TAF1L: variants seen among roughly 807,000 people sequenced by gnomAD.
TAF1L encodes the protein transcription initiation factor TFIID subunit 1-like.
A neutral mutation model predicts 128.8 loss-of-function variants in TAF1L; 30 were observed. That is an observed-to-expected ratio of 0.23 (90% CI 0.17 to 0.32). TAF1L has a LOEUF of 0.32. Ranked by LOEUF, TAF1L falls within the 10% of genes least tolerant of loss-of-function variation. The pLI, the probability that TAF1L is intolerant of heterozygous loss-of-function variation, is 1.00. For missense variants in TAF1L, 2,099 were observed against 2,253.7 expected (o/e 0.93, Z 1.39); for synonymous variants, 764 against 790.7 (o/e 0.97, Z 0.57).
chr9:32,632,285 T>C lies in TAF1L; in HGVS notation c.3295A>G (p.Thr1099Ala). Residue 1099 changes from threonine to alanine, a missense_variant, in exon 1 of 1, where the codon ACT (threonine) becomes GCT (alanine). By Grantham distance (58) the Thr-to-Ala change is moderately conservative (BLOSUM62 0). Coordinates refer to ENST00000242310, the MANE Select transcript of TAF1L (RefSeq NM_153809.2). This position sits in a 1 kb window ranked among gnomAD's most constrained non-coding sequence, Gnocchi z 4.4. Reference protein sequence around the residue: ...FDLQNKVLSSTEVLSTDTDSI... With the variant: ...FDLQNKVLSSAEVLSTDTDSI... ...TCTGTGTCAGTTGATAAGACCTCAG[T>C]TGATGACAGAACCTTGTTCTGTAGG... 2 of 1,614,186 alleles carry C rather than the reference T, an allele frequency of 1.2e-6. No individual in the cohort carries two copies. Among genetic ancestry groups the C allele is most frequent in the Non-Finnish European group, 1.7e-6 (2 of 1,180,040 alleles).
In TAF1L at chr9:32,635,237, C is replaced by T. The variant is rs752823640; in HGVS notation, c.343G>A (p.Val115Met). Residue 115 changes from valine (V) to methionine (M), a missense_variant, in exon 1 of 1, where the codon GTG becomes ATG. By Grantham distance (21) the Val-to-Met change is conservative. Transcript: ENST00000242310. ...TGTCTTTGGCTTTCATCTTCTGCCA[C>T]CTCATTGATGTCTGAATAGTCTACA... ...DAVDYSDINEVAEDESQRHQQ... is the reference protein window; with the variant it reads ...DAVDYSDINEMAEDESQRHQQ... The T allele has an allele frequency of 2.5e-6, 4 of 1,614,034 alleles. No individual in the cohort carries two copies. In the South Asian group the frequency reaches 4.4e-5, roughly 18 times the overall value.
At position 32,631,612 on chromosome 9, in the gene TAF1L, T is replaced by G. The variant is rs768981178; in HGVS notation, c.3968A>C (p.Glu1323Ala). Reference sequence around the variant, plus strand: ...ATTATCATTATGAATGACTGTCTTTTCCAACTCCTCCTCCTGCTCTTCTGT... The same window carrying G: ...ATTATCATTATGAATGACTGTCTTTGCCAACTCCTCCTCCTGCTCTTCTGT... ...AMTEEQEEEL[E>A]KTVIHNDNEE... Residue 1323 changes from glutamate (E) to alanine (A), a missense_variant, in exon 1 of 1, where the codon GAA becomes GCA. By Grantham distance (107) the Glu-to-Ala change is moderately radical. Transcript: ENST00000242310. The surrounding 1 kb of genome is among the most constrained non-coding windows in gnomAD (Gnocchi z 4.1). The G allele has an allele frequency of 2.5e-6, 4 of 1,614,176 alleles. No individual in the cohort carries two copies. In the Admixed American group the frequency reaches 6.7e-5, roughly 27 times the overall value.
Position 32,633,072 on chromosome 9 carries a change from C to T in TAF1L, c.2508G>A (p.Lys836=). 6.2e-7 allele frequency: 1 copy of T among 1,614,184 alleles called. No individual in the cohort carries two copies. The highest frequency in any genetic ancestry group is 8.5e-7 in the Non-Finnish European group (1 of 1,180,044). ...GTATCCTCCGTGGCCGATCTTTACT[C>T]TTCCAGAAAAGGCGGTAAATAAAAA... ...LQVFIYRLFW[K]SKDRPRRIRM... is the part of the protein sequence containing the mutation. Residue 836 remains lysine, a synonymous_variant, in exon 1 of 1, where the codon AAG becomes AAA. Coordinates refer to ENST00000242310, the MANE Select transcript of TAF1L (RefSeq NM_153809.2).
At position 32,634,637 on chromosome 9, in the gene TAF1L, A is replaced by G. The variant is rs776379584; in HGVS notation, c.943T>C (p.Tyr315His). 106 of 1,613,936 alleles carry G rather than the reference A, an allele frequency of 6.6e-5. No individual in the cohort carries two copies. Among genetic ancestry groups the G allele is most frequent in the South Asian group, 3.3e-4 (30 of 91,072 alleles). ...VSQKSLWNYD[Y>H]APPPPPEQCL... Reference sequence around the variant, plus strand: ...TGCTCTGGGGGTGGTGGTGGAGCATAGTCATAGTTCCACAAAGACTTCTGG... The same window carrying G: ...TGCTCTGGGGGTGGTGGTGGAGCATGGTCATAGTTCCACAAAGACTTCTGG... The change falls in exon 1 of 1, where the codon TAT becomes CAT. Residue 315 changes from tyrosine (Y) to histidine (H), a missense_variant. Tyr to His is a moderately conservative substitution (Grantham distance 83, BLOSUM62 2). This residue lies in a region of TAF1L where 473 missense variants were observed against 429.6 expected (regional missense o/e 1.10). Coordinates refer to ENST00000242310, the MANE Select transcript of TAF1L (RefSeq NM_153809.2).
Position 32,632,587 on chromosome 9 carries a change from T to A in TAF1L, c.2993A>T (p.Lys998Ile), listed in dbSNP as rs963298959. ...PNKPTQQKDDKEPQAVKKTVT... is the reference protein window; with the variant it reads ...PNKPTQQKDDIEPQAVKKTVT... Reference sequence around the variant, plus strand: ...TGTCTTCTTCACTGCCTGTGGCTCTTTATCATCCTTCTGCTGTGTTGGTTT... The same window carrying A: ...TGTCTTCTTCACTGCCTGTGGCTCTATATCATCCTTCTGCTGTGTTGGTTT... The change falls in exon 1 of 1, where the codon AAA (lysine) becomes ATA (isoleucine). Residue 998 changes from lysine to isoleucine, a missense_variant. By Grantham distance (102) the Lys-to-Ile change is moderately radical. This residue lies in a region of TAF1L where 1,213 missense variants were observed against 1,391.4 expected (regional missense o/e 0.87). Coordinates refer to ENST00000242310, the MANE Select transcript of TAF1L (RefSeq NM_153809.2). This position sits in a 1 kb window ranked among gnomAD's most constrained non-coding sequence, Gnocchi z 4.4. The A allele has an allele frequency of 1.9e-6, 3 of 1,614,122 alleles. No individual in the cohort carries two copies. Among genetic ancestry groups the A allele is most frequent in the Admixed American group, 1.7e-5 (1 of 59,998 alleles).
Position 32,635,373 on chromosome 9 carries a change from C to G in TAF1L, c.207G>C (p.Gly69=), listed in dbSNP as rs943548151. The change falls in exon 1 of 1, where the codon GGG becomes GGC. Residue 69 remains glycine (G), a synonymous_variant. Coordinates refer to ENST00000242310, the MANE Select transcript of TAF1L (RefSeq NM_153809.2). ...DECKKHLAGL[G]ALGLGSLITE... ...TGATTAGGCTGCCCAGCCCCAAAGC[C>G]CCCAAGCCTGCCAAGTGCTTCTTAC... 4 of 1,614,154 alleles carry G rather than the reference C, an allele frequency of 2.5e-6. No individual in the cohort carries two copies. Among genetic ancestry groups the G allele is most frequent in the Non-Finnish European group, 3.4e-6 (4 of 1,180,020 alleles).
chr9:32,633,226 C>T lies in TAF1L; in HGVS notation c.2354G>A (p.Arg785Gln), dbSNP rs1251848812. ...KMPETDFLII[R>Q]TRQGYYIREL... ...CCGAATATAGTAACCCTGTCTTGTC[C>T]GAATGATCAGAAAATCAGTTTCTGG... is the stretch of plus-strand genomic sequence containing the variant. Residue 785 changes from arginine (R) to glutamine (Q), a missense_variant, in exon 1 of 1, where the codon CGG (arginine) becomes CAG (glutamine). Transcript: ENST00000242310. 1.9e-6 allele frequency: 3 copies of T among 1,613,948 alleles called. No individual in the cohort carries two copies. The highest frequency in any genetic ancestry group is 1.3e-5 in the African/African-American group (1 of 74,872).
rs778201054 is a variant in TAF1L, at chr9:32,632,501, G to A, written c.3079C>T (p.Arg1027Cys). The part of the protein sequence containing the change: ...LSLKNAKQLL[R>C]KFGVPEEEIK... ...TCTTCCTCAGGCACACCAAATTTACGTAGAAGTTGCTTGGCATTTTTCAGG... is the reference window on the plus strand; with the variant it reads ...TCTTCCTCAGGCACACCAAATTTACATAGAAGTTGCTTGGCATTTTTCAGG... The change falls in exon 1 of 1, where the codon CGT (arginine) becomes TGT (cysteine). Residue 1027 changes from arginine to cysteine, a missense_variant. Physicochemically the swap from Arg to Cys is radical, Grantham distance 180. This residue lies in a region of TAF1L where 1,213 missense variants were observed against 1,391.4 expected (regional missense o/e 0.87). Coordinates refer to ENST00000242310, the MANE Select transcript of TAF1L (RefSeq NM_153809.2). The surrounding 1 kb of genome is among the most constrained non-coding windows in gnomAD (Gnocchi z 4.4). 52 of 1,614,206 alleles carry A rather than the reference G, an allele frequency of 3.2e-5. No individual in the cohort carries two copies. Among genetic ancestry groups the A allele is most frequent in the Middle Eastern group, 3.3e-4 (2 of 6,062 alleles).
Position 32,635,420 on chromosome 9 carries a change from C to T in TAF1L, c.160G>A (p.Glu54Lys), listed in dbSNP as rs267602213. Reference protein sequence around the residue: ...NISGAGQLEGESVLDDECKKH... With the variant: ...NISGAGQLEGKSVLDDECKKH... ...TTACACTCATCATCCAAGACGCTTT[C>T]CCCCTCCAGCTGCCCCGCTCCACTG... The change falls in exon 1 of 1, where the codon GAA becomes AAA. Residue 54 changes from glutamate to lysine, a missense_variant. By Grantham distance (56) the Glu-to-Lys change is moderately conservative. This residue lies in a region of TAF1L where 473 missense variants were observed against 429.6 expected (regional missense o/e 1.10). Transcript: ENST00000242310. The T allele has an allele frequency of 5.6e-6, 9 of 1,614,132 alleles. No homozygotes were observed. Among genetic ancestry groups the T allele is most frequent in the Admixed American group, 3.3e-5 (2 of 60,012 alleles).
Position 32,635,448 on chromosome 9 carries a change from G to A in TAF1L, c.132C>T (p.Asn44=), listed in dbSNP as rs1021691013. 1.2e-6 allele frequency: 2 copies of A among 1,614,068 alleles called. No individual in the cohort carries two copies. The highest frequency in any genetic ancestry group is 2.7e-5 in the African/African-American group (2 of 74,916). Residue 44 remains asparagine (N), a synonymous_variant, in exon 1 of 1, where the codon AAC becomes AAT. Coordinates refer to ENST00000242310, the MANE Select transcript of TAF1L (RefSeq NM_153809.2). Reference sequence around the variant, plus strand: ...CCTCCAGCTGCCCCGCTCCACTGATGTTGCCGAAAAGGATACCCGCTAAAG... The same window carrying A: ...CCTCCAGCTGCCCCGCTCCACTGATATTGCCGAAAAGGATACCCGCTAAAG... ...PFTLAGILFG[N]ISGAGQLEGE...
Position 32,633,270 on chromosome 9 carries a change from T to G in TAF1L, c.2310A>C (p.Pro770=). 1.2e-6 allele frequency: 2 copies of G among 1,614,140 alleles called. No individual in the cohort carries two copies. Among genetic ancestry groups the G allele is most frequent in the Non-Finnish European group, 1.7e-6 (2 of 1,180,026 alleles). The part of the protein sequence containing the change: ...QALENNLFRA[P]VYLHKMPETD... ...TTTCTGGCATCTTATGAAGATACAC[T>G]GGAGCACGAAAAAGGTTGTTCTCAA... Residue 770 remains proline (P), a synonymous_variant, in exon 1 of 1, where the codon CCA becomes CCC. Transcript: ENST00000242310.
At position 32,630,434 on chromosome 9, in the gene TAF1L, A is replaced by T. The variant is rs1822501302; in HGVS notation, c.5146T>A (p.Ser1716Thr). 6.2e-7 allele frequency: 1 copy of T among 1,614,102 alleles called. No individual in the cohort carries two copies. Residue 1716 changes from serine (S) to threonine (T), a missense_variant, in exon 1 of 1, where the codon TCT (serine) becomes ACT (threonine). Coordinates refer to ENST00000242310, the MANE Select transcript of TAF1L (RefSeq NM_153809.2). ...QGQGRLGEED[S>T]DVDVEGYDDE... Reference sequence around the variant, plus strand: ...TCATACCCTTCAACATCCACATCAGAGTCTTCCTCACCCAGCCTACCTTGG... The same window carrying T: ...TCATACCCTTCAACATCCACATCAGTGTCTTCCTCACCCAGCCTACCTTGG...
rs751954112 is a variant in TAF1L at position 32,633,957 on chromosome 9, A to C, written c.1623T>G (p.Ser541=). The C allele has an allele frequency of 2.5e-6, 4 of 1,614,182 alleles. No individual in the cohort carries two copies. The highest frequency in any genetic ancestry group is 3.4e-6 in the Non-Finnish European group (4 of 1,180,026). Residue 541 remains serine, a synonymous_variant, in exon 1 of 1, where the codon TCT becomes TCG. Coordinates refer to ENST00000242310, the MANE Select transcript of TAF1L (RefSeq NM_153809.2). ...EIPDEKEEAT[S]NSPSKESKKE... ...TCTTACTCTCCTTGGAGGGGGAGTT[A>C]GAGGTGGCCTCTTCCTTCTCATCAG... is the stretch of plus-strand genomic sequence containing the variant.
In TAF1L at chr9:32,632,515, G is replaced by A; in HGVS notation, c.3065C>T (p.Ala1022Val). The A allele has an allele frequency of 1.2e-6, 2 of 1,614,198 alleles. No homozygotes were observed. The highest frequency in any genetic ancestry group is 1.7e-6 in the Non-Finnish European group (2 of 1,180,034). The change falls in exon 1 of 1, where the codon GCC becomes GTC. Residue 1022 changes from alanine to valine, a missense_variant. Physicochemically the swap from Ala to Val is moderately conservative, Grantham distance 64. Coordinates refer to ENST00000242310, the MANE Select transcript of TAF1L (RefSeq NM_153809.2). This position sits in a 1 kb window ranked among gnomAD's most constrained non-coding sequence, Gnocchi z 4.4. ...ADLRRLSLKN[A>V]KQLLRKFGVP... The stretch of plus-strand genomic sequence containing the variant: ...ACCAAATTTACGTAGAAGTTGCTTG[G>A]CATTTTTCAGGGAAAGGCGACGAAG...
Position 32,634,604 on chromosome 9 carries a change from C to T in TAF1L, c.976G>A (p.Ala326Thr), listed in dbSNP as rs756820373. 4.3e-6 allele frequency: 7 copies of T among 1,614,162 alleles called. No homozygotes were observed. The highest frequency in any genetic ancestry group is 4.5e-5 in the East Asian group (2 of 44,880). Residue 326 changes from alanine to threonine, a missense_variant, in exon 1 of 1, where the codon GCT becomes ACT. Ala to Thr is a moderately conservative substitution (Grantham distance 58, BLOSUM62 0). Coordinates refer to ENST00000242310, the MANE Select transcript of TAF1L (RefSeq NM_153809.2). ...ACCATCATCGTGATTTCATCATCAGCGAGACACTGCTCTGGGGGTGGTGGT... is the reference window on the plus strand; with the variant it reads ...ACCATCATCGTGATTTCATCATCAGTGAGACACTGCTCTGGGGGTGGTGGT... The part of the protein sequence containing the change: ...APPPPPEQCL[A>T]DDEITMMVPV...
chr9:32,630,867 G>C lies in TAF1L; in HGVS notation c.4713C>G (p.Thr1571=). The part of the protein sequence containing the change: ...KMIVNPVDLE[T]IRKNISKHKY... ...TGTGCTTGGAGATGTTCTTACGTAT[G>C]GTCTCTAAATCCACTGGATTGACAA... The change falls in exon 1 of 1, where the codon ACC becomes ACG. Residue 1571 remains threonine (T), a synonymous_variant. Coordinates refer to ENST00000242310, the MANE Select transcript of TAF1L (RefSeq NM_153809.2). 1 of 1,614,108 alleles carries C rather than the reference G, an allele frequency of 6.2e-7. No homozygotes were observed.
chr9:32,634,224 C>A lies in TAF1L; in HGVS notation c.1356G>T (p.Leu452=). 1 of 1,614,190 alleles carries A rather than the reference C, an allele frequency of 6.2e-7. No individual in the cohort carries two copies. Among genetic ancestry groups the A allele is most frequent in the Non-Finnish European group, 8.5e-7 (1 of 1,180,042 alleles). Residue 452 remains leucine, a synonymous_variant, in exon 1 of 1, where the codon CTG becomes CTT. Transcript: ENST00000242310. ...HKGTKPQGAS[L]AGWLPSIKTR... Reference sequence around the variant, plus strand: ...TCTTAATAGAAGGAAGCCAGCCTGCCAGGCTTGCACCCTGAGGTTTTGTCC... The same window carrying A: ...TCTTAATAGAAGGAAGCCAGCCTGCAAGGCTTGCACCCTGAGGTTTTGTCC...
chr9:32,630,346 G>T lies in TAF1L; in HGVS notation c.5234C>A (p.Ala1745Glu). Residue 1745 changes from alanine (A) to glutamate (E), a missense_variant, in exon 1 of 1, where the codon GCA becomes GAA. By Grantham distance (107) the Ala-to-Glu change is moderately radical (BLOSUM62 -1). Coordinates refer to ENST00000242310, the MANE Select transcript of TAF1L (RefSeq NM_153809.2). The part of the protein sequence containing the change: ...PAPEGGDGDL[A>E]DEEEGTVQQP... ...TTGTACAGTTCCTTCCTCTTCATCT[G>T]CAAGATCACCATCTCCCCCTTCTGG... The T allele has an allele frequency of 6.8e-6, 11 of 1,614,148 alleles. No homozygotes were observed. The highest frequency in any genetic ancestry group is 9.3e-6 in the Non-Finnish European group (11 of 1,180,034).
Position 32,632,198 on chromosome 9 carries a change from G to T in TAF1L, c.3382C>A (p.Gln1128Lys), listed in dbSNP as rs777714754. The T allele has an allele frequency of 2.5e-6, 4 of 1,614,128 alleles. No individual in the cohort carries two copies. The highest frequency in any genetic ancestry group is 3.4e-6 in the Non-Finnish European group (4 of 1,180,022). ...EMGKNIENML[Q>K]NKKTSSQLSR... Reference sequence around the variant, plus strand: ...AGCTGAGAGCTGGTTTTCTTGTTCTGCAACATGTTCTCAATGTTCTTTCCC... The same window carrying T: ...AGCTGAGAGCTGGTTTTCTTGTTCTTCAACATGTTCTCAATGTTCTTTCCC... Residue 1128 changes from glutamine to lysine, a missense_variant, in exon 1 of 1, where the codon CAG becomes AAG. Physicochemically the swap from Gln to Lys is moderately conservative, Grantham distance 53. Transcript: ENST00000242310. This position sits in a 1 kb window ranked among gnomAD's most constrained non-coding sequence, Gnocchi z 4.4.
Sources: allele counts gnomAD v4.1 joint callset, GRCh38; gene constraint gnomAD v4.1.1; regional missense constraint gnomAD v4.1.1; non-coding constraint Gnocchi (gnomAD v3.1); transcripts MANE v1.5; gene names NCBI Gene and HGNC (gene_info 2026-07-23, HGNC 2026-07-21).